The following POU6F2 variants were observed in gnomAD, a reference collection of about 807,000 sequenced individuals.
POU6F2 encodes POU class 6 homeobox 2.
In POU6F2, 31 loss-of-function variants were observed where a neutral mutation model predicts 71.3. The observed-to-expected ratio is 0.43, with a 90% CI of 0.33 to 0.59. The LOEUF is 0.59. Among genes scored for constraint, POU6F2 ranks in the 20% least tolerant of loss-of-function variants. The pLI is 0.04. For synonymous variants in POU6F2, 347 were observed against 355.7 expected, an observed-to-expected ratio of 0.98 and a Z score of 0.27; for missense variants, 783 against 856.8, an observed-to-expected ratio of 0.91 and a Z score of 1.07.
chr7:39,131,560 G>A (rs756412458), intron 2 of POU6F2, among the ~76,000 whole-genome samples: 53 of 152,250 alleles, frequency 3.5e-4, no homozygotes, highest in Non-Finnish European at 5.3e-4. Context: ...TCGAGTCGGA[G>A]GAGAAAAGAC....
intron 2 of POU6F2, among the ~76,000 whole-genome samples, chr7:39,197,620 G>T (rs1793814630): frequency 6.6e-6 from 1 of 152,198 alleles, no homozygotes; most frequent in East Asian, 1.9e-4. Context: ...AGTGTTGAGG[G>T]TGCCTCCTAG....
chr7:39,422,162 T>C (rs1023362410), intron 6 of POU6F2, among the ~76,000 whole-genome samples: 3 of 152,226 alleles, frequency 2.0e-5, no homozygotes, highest in African/African-American at 7.2e-5. Flanking sequence ...AAAGAAATGT[T>C]TGCAGTTTAT....
intron 1 of POU6F2, among the ~76,000 whole-genome samples, chr7:39,047,750 A>T (rs1267798055): frequency 6.6e-6 from 1 of 151,908 alleles, no homozygotes; most frequent in East Asian, 1.9e-4. Flanking sequence ...AAATTTTTTA[A>T]AAATCATGAA....
chr7:39,234,839 AT>A (rs1794644017), intron 4 of POU6F2, among the ~76,000 whole-genome samples: 3 of 152,318 alleles, frequency 2.0e-5, no homozygotes, highest in Admixed American at 2.0e-4. Context: ...CTATAATGTT[AT>A]TCTAGAAGTA....
intron 2 of POU6F2, among the ~76,000 whole-genome samples, chr7:39,110,018 C>T (rs1011439713): frequency 2.0e-5 from 3 of 152,206 alleles, no homozygotes; most frequent in South Asian, 2.1e-4. Flanking sequence ...CGCCTGTAAT[C>T]CCAGCACTTT....
chr7:39,252,395 G>GACACACAC (rs1197228715), intron 4 of POU6F2, among the ~76,000 whole-genome samples: 2 of 84,858 alleles, frequency 2.4e-5, no homozygotes, highest in African/African-American at 8.4e-5. Context: ...CAGACAGACA[G>GACACACAC]ACAGACACAC....
chr7:39,074,893 T>C (rs570470897), intron 1 of POU6F2, among the ~76,000 whole-genome samples: 1 of 152,324 alleles, frequency 6.6e-6, no homozygotes, highest in African/African-American at 2.4e-5. Context: ...GAATTATTTA[T>C]TTAATCTGCT....
At chr7:39,317,422 T>C (rs1039571086) in intron 4 of POU6F2, among the ~76,000 whole-genome samples, 1 of 152,200 alleles carries the variant, frequency 6.6e-6, no homozygotes, top group East Asian at 1.9e-4. Context: ...CATAGTAGGC[T>C]CTCAATAAAT....
At chr7:39,426,913 A>G (rs572135975) in intron 6 of POU6F2, among the ~76,000 whole-genome samples, 1 of 152,302 alleles carries the variant, frequency 6.6e-6, no homozygotes, top group Non-Finnish European at 1.5e-5. Context: ...GGAATGCAGC[A>G]CCAGTTGGGT....
intron 4 of POU6F2, among the ~76,000 whole-genome samples, chr7:39,257,014 C>G (rs1784037326): frequency 6.6e-6 from 1 of 152,210 alleles, no homozygotes; most frequent in Admixed American, 6.5e-5. Flanking sequence ...CTATTATTAA[C>G]TACATAGCAC....
At chr7:39,357,282 T>C (rs1000920973) in intron 5 of POU6F2, among the ~76,000 whole-genome samples, 1 of 152,132 alleles carries the variant, frequency 6.6e-6, no homozygotes, top group African/African-American at 2.4e-5. Context: ...AAAACAAGGA[T>C]CCAGTTTAAA....
At chr7:39,343,308 C>G (rs1186271034) in intron 5 of POU6F2, among the ~76,000 whole-genome samples, 1 of 151,820 alleles carries the variant, frequency 6.6e-6, no homozygotes, top group Non-Finnish European at 1.5e-5. Context: ...ACCCACAGTC[C>G]ACAGGCTGTG....
chr7:39,265,913 T>C (rs1784230228), intron 4 of POU6F2, among the ~76,000 whole-genome samples: 1 of 152,200 alleles, frequency 6.6e-6, no homozygotes. Flanking sequence ...CTCCAAGGAG[T>C]TTCCAGGATG....
chr7:39,023,815 A>C (rs1016915410), intron 1 of POU6F2, among the ~76,000 whole-genome samples: 1 of 152,080 alleles, frequency 6.6e-6, no homozygotes, highest in Non-Finnish European at 1.5e-5. Flanking sequence ...AGAAGTAGGC[A>C]TTCTCTGCAC....
chr7:39,224,418 A>G (rs1794424786), intron 4 of POU6F2, among the ~76,000 whole-genome samples: 1 of 151,976 alleles, frequency 6.6e-6, no homozygotes, highest in South Asian at 2.1e-4. Flanking sequence ...GAAACCCCAA[A>G]CTGCTCCAGC....
intron 5 of POU6F2, among the ~76,000 whole-genome samples, chr7:39,394,327 T>C (rs1787131811): frequency 6.6e-6 from 1 of 152,190 alleles, no homozygotes; most frequent in Non-Finnish European, 1.5e-5. Context: ...TAGCGTTCCC[T>C]TTATATAAAA....
chr7:39,319,972 G>T (rs752785832), intron 4 of POU6F2, among the ~76,000 whole-genome samples: 1 of 152,198 alleles, frequency 6.6e-6, no homozygotes, highest in African/African-American at 2.4e-5. Flanking sequence ...ATGCACTATA[G>T]TGTCTGATCT....
intron 2 of POU6F2, among the ~76,000 whole-genome samples, chr7:39,091,752 T>G (rs911848433): frequency 6.6e-6 from 1 of 152,202 alleles, no homozygotes; most frequent in Admixed American, 6.5e-5. Context: ...CCTGCTTTAA[T>G]TATACAGCTA....
At chr7:39,214,960 A>C (rs1011911738) in intron 4 of POU6F2, among the ~76,000 whole-genome samples, 1 of 152,234 alleles carries the variant, frequency 6.6e-6, no homozygotes, top group African/African-American at 2.4e-5. Context: ...AAAACAATGC[A>C]GTTATGCTAT....
Sources: gnomAD v4.1 joint callset for allele counts (sites outside exome capture counted in the v4.1 genomes callset) on GRCh38, gnomAD v4.1.1 for gene constraint, MANE v1.5 for transcripts, NCBI Gene and HGNC (gene_info 2026-07-23, HGNC 2026-07-21) for gene names.